The following RGS12 variants were observed in gnomAD, a reference collection of about 807,000 sequenced individuals.
The protein encoded by RGS12 is regulator of G protein signaling 12.
In RGS12, 66 loss-of-function variants were observed where a neutral mutation model predicts 120.1. The ratio of observed to expected loss-of-function variants is 0.55; its 90% confidence interval spans 0.45 to 0.67. The LOEUF is 0.67. Among genes scored for constraint, RGS12 ranks in the 30% least tolerant of loss-of-function variants. The pLI is 0.00. For synonymous variants in RGS12, 827 were observed against 804.7 expected (o/e 1.03, Z -0.47); for missense variants, 1,859 against 1,957.7 (o/e 0.95, Z 0.95).
At chr4:3,373,248 C>T (rs759347852) in intron 3 of RGS12, among the ~76,000 whole-genome samples, 9 of 152,228 alleles carry the variant, frequency 5.9e-5, no homozygotes, top group African/African-American at 1.2e-4. Flanking sequence ...ACTCTTCCCT[C>T]GCGAGTCTAC....
chr4:3,300,662 C>T (rs1217188535), intron 1 of RGS12, among the ~76,000 whole-genome samples: 2 of 152,230 alleles, frequency 1.3e-5, no homozygotes, highest in Non-Finnish European at 1.5e-5. Context: ...CTGCCTCTCC[C>T]AGCTTCCAGG....
intron 14 of RGS12, among the ~76,000 whole-genome samples, chr4:3,427,341 C>T (rs576268031): frequency 6.6e-5 from 10 of 152,296 alleles, no homozygotes; most frequent in Non-Finnish European, 1.2e-4. Flanking sequence ...GGCAGGAGCG[C>T]GACTCCTCCA....
chr4:3,324,964 C>T (rs762047083), intron 2 of RGS12, among the ~76,000 whole-genome samples: 4 of 151,832 alleles, frequency 2.6e-5, no homozygotes, highest in Non-Finnish European at 5.9e-5. Context: ...ATTTTTCTAC[C>T]TGATTGTAGG....
intron 3 of RGS12, among the ~76,000 whole-genome samples, chr4:3,384,312 G>A (rs1167563405): frequency 2.6e-5 from 4 of 151,704 alleles, no homozygotes; most frequent in Admixed American, 1.3e-4. Context: ...CTGCTTCCAC[G>A]CTCGGCTAAT....
intron 1 of RGS12, among the ~76,000 whole-genome samples, chr4:3,302,829 G>C (rs950201575): frequency 1.4e-4 from 22 of 152,134 alleles, no homozygotes; most frequent in African/African-American, 4.8e-4. Flanking sequence ...AGAGTCGTGG[G>C]GGGAGGAGAG....
chr4:3,362,940 T>G (rs1012856506), intron 3 of RGS12, among the ~76,000 whole-genome samples: 2 of 147,484 alleles, frequency 1.4e-5, no homozygotes, highest in Admixed American at 6.8e-5. Flanking sequence ...CGCGAAGGGG[T>G]GTGTGTGCAC....
At position 3,431,462 on chromosome 4, in the gene RGS12, G is replaced by A. The variant is rs532894980; in HGVS notation, c.4114+507G>A. Reference sequence around the variant, plus strand: ...CTTGAGAGTGCAGCTCGGACCCACCGGCGGCCCCCGTAGCAGGTGGTGTGG... The same window carrying A: ...CTTGAGAGTGCAGCTCGGACCCACCAGCGGCCCCCGTAGCAGGTGGTGTGG... On this transcript the variant is annotated intron_variant, in intron 17 of 17. Coordinates refer to ENST00000336727, the MANE Select transcript of RGS12 (RefSeq NM_001394154.1). 5.5e-5 allele frequency: 54 copies of A among 989,614 alleles called. No homozygotes were observed. The East Asian group carries it at 2.5e-3, about 46-fold the overall frequency. 61.3% of individuals were successfully genotyped at this position (989,614 alleles called of 1,614,324 possible).
chr4:3,295,427 G>A (rs1418916646), intron 1 of RGS12, among the ~76,000 whole-genome samples: 1 of 152,134 alleles, frequency 6.6e-6, no homozygotes. Context: ...TTGGGAGGCT[G>A]AGGCAGGTGG....
chr4:3,361,510 A>G (rs1715555939), intron 3 of RGS12, among the ~76,000 whole-genome samples: 1 of 152,238 alleles, frequency 6.6e-6, no homozygotes, highest in Admixed American at 6.5e-5. Flanking sequence ...CCTGAAAGCA[A>G]GATGGGGCCT....
At chr4:3,401,062 C>T (rs1038641053) in intron 4 of RGS12, among the ~76,000 whole-genome samples, 5 of 152,108 alleles carry the variant, frequency 3.3e-5, no homozygotes, top group Admixed American at 1.3e-4. Context: ...GAAAGCATAG[C>T]CCATGGCCAG....
chr4:3,385,481 G>C (rs922835906), intron 3 of RGS12: 10 of 152,684 alleles, frequency 6.5e-5, no homozygotes, highest in African/African-American at 2.4e-4. Flanking sequence ...GGCTTGTCCC[G>C]TACCTGCCTG....
At chr4:3,413,869 G>A (rs930833480) in intron 4 of RGS12, 1 of 563,054 alleles carries the variant, frequency 1.8e-6, no homozygotes, top group African/African-American at 1.9e-5. Flanking sequence ...CAAGGTTGGG[G>A]TCTGTGTTTT....
upstream of RGS12, among the ~76,000 whole-genome samples, chr4:3,291,824 A>T (rs1424106969): frequency 6.6e-6 from 1 of 152,128 alleles, no homozygotes; most frequent in African/African-American, 2.4e-5. Flanking sequence ...GTCCCAATTC[A>T]GCACCGCCCT....
chr4:3,404,669 G>C (rs1241876659), intron 4 of RGS12, among the ~76,000 whole-genome samples: 1 of 152,228 alleles, frequency 6.6e-6, no homozygotes, highest in Non-Finnish European at 1.5e-5. Flanking sequence ...GCTTTCAATA[G>C]AGGGATGTGT....
Position 3,365,249 on chromosome 4 carries a change from G to C in RGS12, c.1999-21167G>C, listed in dbSNP as rs953790150. On this transcript the variant is annotated intron_variant, in intron 3 of 17. Transcript: ENST00000336727. This position sits in a 1 kb window ranked among gnomAD's most constrained non-coding sequence, Gnocchi z 4.0. ...GTAAATAGAGTCTCCCTGGGCTGCAGTTCCGTCTGCTGTTTTCATGCTACA... is the reference window on the plus strand; with the variant it reads ...GTAAATAGAGTCTCCCTGGGCTGCACTTCCGTCTGCTGTTTTCATGCTACA... 4.1e-4 allele frequency among the ~76,000 whole-genome samples: 62 copies of C among 152,208 alleles called. No homozygotes were observed. Among genetic ancestry groups the C allele is most frequent in the Non-Finnish European group, 8.5e-4 (58 of 68,042 alleles).
chr4:3,431,461 C>T (rs978465996), intron 17 of RGS12: 114 of 989,190 alleles, frequency 1.2e-4, no homozygotes, highest in African/African-American at 9.1e-4. Flanking sequence ...TCGGACCCAC[C>T]GGCGGCCCCC....
intron 3 of RGS12, among the ~76,000 whole-genome samples, chr4:3,362,930 C>T (rs1275406689): frequency 7.5e-5 from 10 of 133,994 alleles, no homozygotes; most frequent in Non-Finnish European, 1.1e-4. Flanking sequence ...CCATTTGGAA[C>T]GCGAAGGGGT....
chr4:3,376,694 T>C (rs763521750), intron 3 of RGS12, among the ~76,000 whole-genome samples: 22 of 152,222 alleles, frequency 1.4e-4, no homozygotes, highest in Non-Finnish European at 2.6e-4. Flanking sequence ...AGACTGTGAA[T>C]TGATTTGCCG....
chr4:3,406,063 G>A (rs1369246191), intron 4 of RGS12, among the ~76,000 whole-genome samples: 3 of 152,036 alleles, frequency 2.0e-5, no homozygotes, highest in Non-Finnish European at 2.9e-5. Flanking sequence ...TCTGGGCTTC[G>A]GCCACTTGCC....
Sources: gnomAD v4.1 joint callset for allele counts (sites outside exome capture counted in the v4.1 genomes callset) on GRCh38, gnomAD v4.1.1 for gene constraint, Gnocchi (gnomAD v3.1) non-coding constraint, MANE v1.5 for transcripts, NCBI Gene and HGNC (gene_info 2026-07-23, HGNC 2026-07-21) for gene names.